The following IVNS1ABP variants were observed in gnomAD, a reference collection of about 807,000 sequenced individuals.
IVNS1ABP encodes the protein influenza virus NS1A-binding protein.
Under a neutral mutation model 78.9 loss-of-function variants are expected in IVNS1ABP, and 25 were observed. That is an observed-to-expected ratio of 0.32 (90% CI 0.23 to 0.44). The LOEUF (loss-of-function observed/expected upper bound fraction) is 0.44, where lower values mean the gene tolerates loss of function less well. IVNS1ABP is among the 20% of genes least tolerant of loss of function. The pLI is 1.00. For missense variants in IVNS1ABP, 494 were observed against 768.9 expected (o/e 0.64, Z 4.23); for synonymous variants, 241 against 259.7 (o/e 0.93, Z 0.69).
At chr1:185,307,769 C>A in intron 5 of IVNS1ABP, 107 bp from the exon 6 acceptor site, 1 of 1,278,216 alleles carries the variant, frequency 7.8e-7, no homozygotes, top group Non-Finnish European at 1.1e-6. Flanking sequence ...AATCAAAAAT[C>A]ACTGTCTTAA....
In IVNS1ABP at chr1:185,299,752, T is replaced by A. The variant is rs142139454; in HGVS notation, c.1633A>T (p.Met545Leu). ...ENNTWTLIAP[M>L]NVARRGAGVA... Reference sequence around the variant, plus strand: ...CCAGCTCCTCGCCTAGCCACATTCATGGGTGCAATTAAAGTCCAGGTATTA... The same window carrying A: ...CCAGCTCCTCGCCTAGCCACATTCAAGGGTGCAATTAAAGTCCAGGTATTA... The change falls in exon 14 of 15, where the codon ATG (methionine) becomes TTG (leucine). Residue 545 changes from methionine (M) to leucine (L), a missense_variant. Transcript: ENST00000367498. The A allele has an allele frequency of 6.2e-7, 1 of 1,613,738 alleles. No individual in the cohort carries two copies. The highest frequency in any genetic ancestry group is 1.3e-5 in the African/African-American group (1 of 75,020).
intron 8 of IVNS1ABP, among the ~76,000 whole-genome samples, chr1:185,301,975 A>G (rs1665613659): frequency 6.6e-6 from 1 of 152,128 alleles, no homozygotes; most frequent in South Asian, 2.1e-4. Flanking sequence ...TGTCAAACCT[A>G]ACTAAATCAT....
intron 2 of IVNS1ABP, among the ~76,000 whole-genome samples, chr1:185,310,711 C>T (rs1217928340): frequency 6.6e-6 from 1 of 151,850 alleles, no homozygotes; most frequent in African/African-American, 2.4e-5. Flanking sequence ...CCTGTCTCTA[C>T]AAAAAATGTA....
rs1480686385 is a variant in IVNS1ABP at position 185,305,692 on chromosome 1, C to T, written c.658-49G>A. 6.2e-7 allele frequency: 1 copy of T among 1,606,108 alleles called. No individual in the cohort carries two copies. On this transcript the variant is annotated intron_variant, in intron 7 of 14. Transcript: ENST00000367498. This position sits in a 1 kb window ranked among gnomAD's most constrained non-coding sequence, Gnocchi z 4.0. The stretch of plus-strand genomic sequence containing the variant: ...CATGTGGCTACGGTCACCATGGCTA[C>T]TCCACTAGTATGCAGATTACACAAA...
chr1:185,298,491 C>A lies in IVNS1ABP; in HGVS notation c.1676-203G>T, dbSNP rs1415032379. 1 of 567,422 alleles carries A rather than the reference C, an allele frequency of 1.8e-6. No individual in the cohort carries two copies. Among genetic ancestry groups the A allele is most frequent in the Non-Finnish European group, 3.0e-6 (1 of 330,624 alleles). 35.1% of individuals were successfully genotyped at this position (567,422 alleles called of 1,614,324 possible). ...CAAATCAATAAAAAAACCATTCCCA[C>A]GTGGAACTTAGGCAACTTAAAAGGG... On this transcript the variant is annotated intron_variant, in intron 14 of 14. Coordinates refer to ENST00000367498, the MANE Select transcript of IVNS1ABP (RefSeq NM_006469.5). This position sits in a 1 kb window ranked among gnomAD's most constrained non-coding sequence, Gnocchi z 4.1.
intron 5 of IVNS1ABP, 90 bp from the exon 6 acceptor site, chr1:185,307,752 T>C (rs1665776668): frequency 8.1e-6 from 11 of 1,364,440 alleles, no homozygotes; most frequent in South Asian, 2.8e-5. Context: ...TATGTGAAGA[T>C]ACAAAGAATC....
In IVNS1ABP at chr1:185,297,887, AC is replaced by A; in HGVS notation, c.*147del. 1.4e-6 allele frequency: 1 copy of A among 713,682 alleles called. No individual in the cohort carries two copies. The highest frequency in any genetic ancestry group is 2.3e-6 in the Non-Finnish European group (1 of 426,156). 44.2% of individuals were successfully genotyped at this position (713,682 alleles called of 1,614,324 possible). A position where few individuals can be genotyped will look rare whatever the true frequency, so the allele number is the denominator to read the frequency against. On this transcript the variant is annotated 3_prime_UTR_variant, in exon 15 of 15. Coordinates refer to ENST00000367498, the MANE Select transcript of IVNS1ABP (RefSeq NM_006469.5). ...TTCCAAATAAACCCAAAAAGTATGT[AC>A]AGCATGTTTAATAGTATGCAATATG...
In IVNS1ABP at chr1:185,301,577, AGGTAGCTAC is replaced by A. The variant is rs1323578429; in HGVS notation, c.766-23_766-15del. The stretch of plus-strand genomic sequence containing the variant: ...TGGTGGCTTTTTCTGCAAAATCAAA[AGGTAGCTAC>A]AGAAACCTAGCCAAAGACCACATCT... On this transcript the variant is annotated splice_polypyrimidine_tract_variant and intron_variant, in intron 8 of 14. Coordinates refer to ENST00000367498, the MANE Select transcript of IVNS1ABP (RefSeq NM_006469.5). 6.2e-7 allele frequency: 1 copy of A among 1,612,354 alleles called. No individual in the cohort carries two copies. Among genetic ancestry groups the A allele is most frequent in the South Asian group, 1.1e-5 (1 of 91,040 alleles).
chr1:185,307,156 CA>C lies in IVNS1ABP; in HGVS notation c.532-18del. 1 of 1,612,796 alleles carries C rather than the reference CA, an allele frequency of 6.2e-7. No homozygotes were observed. The highest frequency in any genetic ancestry group is 8.5e-7 in the Non-Finnish European group (1 of 1,179,142). ...TACCTCCAACTAGAATTGGGAAAAA[CA>C]ATGACATGGATCAGTGTTGGGCTCC... On this transcript the variant is annotated intron_variant, in intron 6 of 14. Transcript: ENST00000367498.
At chr1:185,306,364 A>G in intron 7 of IVNS1ABP, 1 of 788,022 alleles carries the variant, frequency 1.3e-6, no homozygotes, top group Admixed American at 3.4e-5. Flanking sequence ...TTTCTCCATC[A>G]ATTTTATCTT....
intron 8 of IVNS1ABP, chr1:185,301,861 ATAAT>A: frequency 4.9e-6 from 1 of 203,492 alleles, no homozygotes; most frequent in Non-Finnish European, 9.9e-6. Context: ...AAACCAATCT[ATAAT>A]TATTTTTATA....
chr1:185,301,416 C>G lies in IVNS1ABP; in HGVS notation c.895+18G>C, dbSNP rs745631479. On this transcript the variant is annotated intron_variant, in intron 9 of 14. Coordinates refer to ENST00000367498, the MANE Select transcript of IVNS1ABP (RefSeq NM_006469.5). ...AATAGGTAAGCTGAAAACAATCTGG[C>G]AAGTGTCATATACTTACTTGAAGTC... is the stretch of plus-strand genomic sequence containing the variant. 3.1e-6 allele frequency: 5 copies of G among 1,612,252 alleles called. No homozygotes were observed. In the African/African-American group the frequency reaches 6.7e-5, roughly 22 times the overall value.
chr1:185,299,303 C>G (rs1272200233), intron 14 of IVNS1ABP: 3 of 179,794 alleles, frequency 1.7e-5, no homozygotes, highest in African/African-American at 7.1e-5. Flanking sequence ...TTAAAATAGT[C>G]TAAAGGTTGT....
At position 185,298,569 on chromosome 1, in the gene IVNS1ABP, C is replaced by G. The variant is rs977938720; in HGVS notation, c.1676-281G>C. Reference sequence around the variant, plus strand: ...TAAATAAGTACAATTTTCACCAACTCTGTGGTAGTTACTATTATTATTTCA... The same window carrying G: ...TAAATAAGTACAATTTTCACCAACTGTGTGGTAGTTACTATTATTATTTCA... On this transcript the variant is annotated intron_variant, in intron 14 of 14. Transcript: ENST00000367498. The surrounding 1 kb of genome is among the most constrained non-coding windows in gnomAD (Gnocchi z 4.1). 1.4e-5 allele frequency: 6 copies of G among 426,308 alleles called. No homozygotes were observed. Among genetic ancestry groups the G allele is most frequent in the African/African-American group, 2.0e-5 (1 of 49,468 alleles). The allele number at this position is 426,308 out of a possible 1,614,324, so 26.4% of individuals were successfully genotyped here.
rs1054891496 is a variant in IVNS1ABP, at chr1:185,298,463, A to C, written c.1676-175T>G. On this transcript the variant is annotated intron_variant, in intron 14 of 14. Transcript: ENST00000367498. The surrounding 1 kb of genome is among the most constrained non-coding windows in gnomAD (Gnocchi z 4.1). ...TGACAAATACTCTCTAAGAGCTGGG[A>C]ATCAAATCAATAAAAAAACCATTCC... 6 of 620,492 alleles carry C rather than the reference A, an allele frequency of 9.7e-6. No individual in the cohort carries two copies. Among genetic ancestry groups the C allele is most frequent in the Non-Finnish European group, 1.6e-5 (6 of 371,812 alleles). The allele number at this position is 620,492 out of a possible 1,614,324, so 38.4% of individuals were successfully genotyped here.
chr1:185,300,153 T>A (rs1431481446), intron 12 of IVNS1ABP, 23 bp from the exon 13 acceptor site: 1 of 1,606,766 alleles, frequency 6.2e-7, no homozygotes, highest in East Asian at 2.2e-5. Flanking sequence ...AAAATAAAGT[T>A]ACATATTGAT....
intron 1 of IVNS1ABP, among the ~76,000 whole-genome samples, chr1:185,316,103 G>A (rs1666010821): frequency 6.6e-6 from 1 of 152,156 alleles, no homozygotes; most frequent in African/African-American, 2.4e-5. Context: ...TATAATCAGA[G>A]ACACTTAACC....
At chr1:185,310,533 G>A (rs2102821879) in intron 2 of IVNS1ABP, among the ~76,000 whole-genome samples, 1 of 152,156 alleles carries the variant, frequency 6.6e-6, no homozygotes, top group Admixed American at 6.5e-5. Context: ...TGCTTGGGAG[G>A]CAAAGGTTGC....
intron 1 of IVNS1ABP, among the ~76,000 whole-genome samples, chr1:185,314,328 T>C (rs1243073050): frequency 6.6e-6 from 1 of 152,118 alleles, no homozygotes; most frequent in African/African-American, 2.4e-5. Context: ...AGGCACAAAC[T>C]GAAATGGAAT....
Sources: gnomAD v4.1 joint callset for allele counts (sites outside exome capture counted in the v4.1 genomes callset) on GRCh38, gnomAD v4.1.1 for gene constraint, Gnocchi (gnomAD v3.1) non-coding constraint, MANE v1.5 for transcripts, NCBI Gene and HGNC (gene_info 2026-07-23, HGNC 2026-07-21) for gene names.